The following DGKB variants were observed in gnomAD, a reference collection of about 807,000 sequenced individuals.
The protein encoded by DGKB is diacylglycerol kinase beta, also known as 90 kDa diacylglycerol kinase.
DGKB carries 67 observed loss-of-function variants against 114.3 expected under a neutral mutation model. The observed-to-expected ratio is 0.59, with a 90% CI of 0.48 to 0.72. The LOEUF is 0.72. Ranked by LOEUF, DGKB falls within the 30% of genes least tolerant of loss-of-function variation. DGKB has a pLI of 0.00. For synonymous variants in DGKB, 398 were observed against 323.1 expected (o/e 1.23, Z -2.49); for missense variants, 907 against 975.2 (o/e 0.93, Z 0.93).
At chr7:14,864,806 A>T (rs567662380) in intron 1 of DGKB, among the ~76,000 whole-genome samples, 6 of 151,942 alleles carry the variant, frequency 3.9e-5, no homozygotes, top group Admixed American at 1.3e-4. Flanking sequence ...AAAAAAAAAA[A>T]ATATGGGGCT....
At chr7:14,683,925 T>A (rs534344278) in intron 10 of DGKB, among the ~76,000 whole-genome samples, 21 of 152,172 alleles carry the variant, frequency 1.4e-4, no homozygotes, top group Non-Finnish European at 2.8e-4. Context: ...CCTCATATAA[T>A]ATCACTCATC....
chr7:14,303,051 A>C (rs1803836704), intron 23 of DGKB, among the ~76,000 whole-genome samples: 1 of 152,188 alleles, frequency 6.6e-6, no homozygotes, highest in African/African-American at 2.4e-5. Flanking sequence ...AGCAAAACAA[A>C]TATTTATTTA....
At chr7:14,370,336 G>A (rs1448875420) in intron 21 of DGKB, among the ~76,000 whole-genome samples, 1 of 152,010 alleles carries the variant, frequency 6.6e-6, no homozygotes, top group Non-Finnish European at 1.5e-5. Context: ...TAGCCTTGTA[G>A]TATAGTTTGA....
At chr7:14,841,979 T>C (rs573883821) in intron 1 of DGKB, among the ~76,000 whole-genome samples, 1 of 152,348 alleles carries the variant, frequency 6.6e-6, no homozygotes, top group African/African-American at 2.4e-5. Context: ...AAGACTTGTG[T>C]AATGACAGTA....
chr7:14,247,305 G>A (rs139294739), intron 23 of DGKB, among the ~76,000 whole-genome samples: 14 of 152,216 alleles, frequency 9.2e-5, no homozygotes, highest in African/African-American at 2.9e-4. Flanking sequence ...GAATAATGCG[G>A]CAATGAACAT....
intron 1 of DGKB, among the ~76,000 whole-genome samples, chr7:14,958,425 C>T (rs1488856856): frequency 1.6e-5 from 1 of 61,428 alleles, no homozygotes; most frequent in South Asian, 6.5e-4. Context: ...ATACCTCTCC[C>T]AACACACACA....
At chr7:14,292,086 C>G (rs1254861830) in intron 23 of DGKB, among the ~76,000 whole-genome samples, 2 of 152,030 alleles carry the variant, frequency 1.3e-5, no homozygotes, top group Non-Finnish European at 2.9e-5. Flanking sequence ...GCAGAAAATA[C>G]AACAATTTAT....
At position 14,316,773 on chromosome 7, in the gene DGKB, A is replaced by C. The variant is rs924655643; in HGVS notation, c.2122+21742T>G. On this transcript the variant is annotated intron_variant, in intron 23 of 25. Coordinates refer to ENST00000402815, the MANE Select transcript of DGKB (RefSeq NM_001350709.2). ...AATAGAAAAAGAGGGAATCCTCCCT[A>C]ACTCATTTGATGAGGCCAGCATCAT... is the stretch of plus-strand genomic sequence containing the variant. Among the ~76,000 whole-genome samples the C allele has an allele frequency of 4.1e-4, 62 of 151,780 alleles. 1 individual carries two copies. Among genetic ancestry groups the C allele is most frequent in the East Asian group, 9.7e-4 (5 of 5,152 alleles).
chr7:14,702,644 G>T (rs1693024921), intron 6 of DGKB, among the ~76,000 whole-genome samples: 1 of 152,094 alleles, frequency 6.6e-6, no homozygotes, highest in Non-Finnish European at 1.5e-5. Context: ...AAAAATAGAA[G>T]AATGGAAGTA....
At chr7:14,926,735 G>A (rs1260941341) in intron 1 of DGKB, among the ~76,000 whole-genome samples, 2 of 151,746 alleles carry the variant, frequency 1.3e-5, no homozygotes. Flanking sequence ...TACCCAACAT[G>A]TAATATCTCT....
intron 5 of DGKB, among the ~76,000 whole-genome samples, chr7:14,730,391 C>G (rs1048388655): frequency 2.6e-5 from 4 of 152,114 alleles, no homozygotes; most frequent in African/African-American, 9.7e-5. Flanking sequence ...GGTGTGCCAT[C>G]TTATTAATCA....
chr7:14,259,338 C>T (rs974188776), intron 23 of DGKB, among the ~76,000 whole-genome samples: 77 of 150,974 alleles, frequency 5.1e-4, no homozygotes, highest in Admixed American at 3.0e-3. Context: ...TTAAATCTTT[C>T]GTGTTCATTC....
chr7:14,259,364 C>A (rs1221955217), intron 23 of DGKB, among the ~76,000 whole-genome samples: 2 of 150,992 alleles, frequency 1.3e-5, no homozygotes, highest in Non-Finnish European at 2.9e-5. Context: ...ATAGTAAATT[C>A]TCATCTAGTA....
At chr7:14,757,151 C>A (rs1226111626) in intron 3 of DGKB, among the ~76,000 whole-genome samples, 3 of 151,936 alleles carry the variant, frequency 2.0e-5, no homozygotes, top group African/African-American at 7.3e-5. Context: ...ATAAGCAACA[C>A]AAAATCCTTC....
intron 23 of DGKB, among the ~76,000 whole-genome samples, chr7:14,286,671 T>A (rs1280333646): frequency 6.6e-6 from 1 of 152,176 alleles, no homozygotes; most frequent in East Asian, 1.9e-4. Context: ...TACATGTTTT[T>A]CAAGTCTTTC....
intron 23 of DGKB, among the ~76,000 whole-genome samples, chr7:14,331,799 G>C (rs35787627): frequency 1.3e-5 from 2 of 151,982 alleles, no homozygotes; most frequent in African/African-American, 4.8e-5. Flanking sequence ...TGATCAATTT[G>C]GTTTGTATTG....
intron 1 of DGKB, among the ~76,000 whole-genome samples, chr7:14,969,391 A>C (rs114203160): frequency 0.019 from 2,947 of 152,258 alleles, 91 homozygotes; most frequent in African/African-American, 0.065. Context: ...CTCTTTGTGT[A>C]AATGTCGTAA....
intron 13 of DGKB, among the ~76,000 whole-genome samples, chr7:14,665,854 T>C (rs758923500): frequency 6.6e-6 from 1 of 152,028 alleles, no homozygotes; most frequent in Non-Finnish European, 1.5e-5. Flanking sequence ...GAGAAATTGA[T>C]CAGATTTGTA....
At chr7:14,860,997 A>G (rs1243507658) in intron 1 of DGKB, among the ~76,000 whole-genome samples, 3 of 151,960 alleles carry the variant, frequency 2.0e-5, no homozygotes, top group Non-Finnish European at 4.4e-5. Context: ...ATTAGTTGCT[A>G]TTAATAATCA....
Sources: gnomAD v4.1 joint callset for allele counts (sites outside exome capture counted in the v4.1 genomes callset) on GRCh38, gnomAD v4.1.1 for gene constraint, MANE v1.5 for transcripts, NCBI Gene and HGNC (gene_info 2026-07-23, HGNC 2026-07-21) for gene names.